PKNOX2: variants seen among roughly 807,000 people sequenced by gnomAD.
PKNOX2 encodes the protein homeobox protein PKNOX2.
PKNOX2 carries 14 observed loss-of-function variants against 53.1 expected under a neutral mutation model. The ratio of observed to expected loss-of-function variants is 0.26; its 90% CI spans 0.17 to 0.41. PKNOX2 has a LOEUF of 0.41. Ranked by LOEUF, PKNOX2 falls within the 10% of genes least tolerant of loss-of-function variation. PKNOX2 has a pLI of 1.00. For synonymous variants in PKNOX2, 257 were observed against 242.8 expected (o/e 1.06, Z -0.54); for missense variants, 496 against 602.8 (o/e 0.82, Z 1.85).
intron 3 of PKNOX2, among the ~76,000 whole-genome samples, chr11:125,342,379 C>A (rs761725518): frequency 2.6e-5 from 4 of 152,128 alleles, no homozygotes; most frequent in Non-Finnish European, 4.4e-5. Flanking sequence ...GCCCCTGCTC[C>A]GGCCACCCTA....
intron 4 of PKNOX2, among the ~76,000 whole-genome samples, chr11:125,365,630 T>G (rs1192110883): frequency 6.6e-6 from 1 of 152,208 alleles, no homozygotes; most frequent in Non-Finnish European, 1.5e-5. Flanking sequence ...AATCACTGAT[T>G]AAAGTGCTGA....
chr11:125,403,514 A>T (rs186670855), intron 7 of PKNOX2, among the ~76,000 whole-genome samples: 6 of 152,256 alleles, frequency 3.9e-5, no homozygotes, highest in African/African-American at 1.4e-4. Context: ...ACTCTTCATG[A>T]CAGGCTGCAA....
At chr11:125,202,822 A>AT (rs1028039260) in intron 1 of PKNOX2, among the ~76,000 whole-genome samples, 1 of 151,934 alleles carries the variant, frequency 6.6e-6, no homozygotes, top group African/African-American at 2.4e-5. Flanking sequence ...TTAAACAATT[A>AT]TTTTTTTCTT....
chr11:125,293,676 C>T (rs547564449), intron 2 of PKNOX2, among the ~76,000 whole-genome samples: 246 of 152,114 alleles, frequency 1.6e-3, no homozygotes, highest in Middle Eastern at 3.4e-3. Flanking sequence ...AGAATCAGGC[C>T]GCGTTGATGA....
chr11:125,293,586 T>C (rs941386987), intron 2 of PKNOX2, among the ~76,000 whole-genome samples: 7 of 152,238 alleles, frequency 4.6e-5, no homozygotes, highest in African/African-American at 1.7e-4. Context: ...CCTCTGGGCA[T>C]CTAAGTTGTT....
rs1161685651 is a variant in PKNOX2, at chr11:125,326,973, C to CT, written c.-129-4843dup. Among the ~76,000 whole-genome samples the CT allele has an allele frequency of 2.0e-5, 3 of 152,332 alleles. No homozygotes were observed. In the East Asian group the frequency reaches 5.8e-4, roughly 29 times the overall value. ...GGCGTGTCCGTGTAGGCAAACCACA[C>CT]TTTCATCACCGCACTCACGGAAGAA... On this transcript the variant is annotated intron_variant, in intron 2 of 12. Transcript: ENST00000298282.
Position 125,329,897 on chromosome 11 carries a change from G to A in PKNOX2, c.-129-1922G>A, listed in dbSNP as rs557392628. Among the ~76,000 whole-genome samples, 12 of 152,280 alleles carry A rather than the reference G, an allele frequency of 7.9e-5. No individual in the cohort carries two copies. The East Asian group carries it at 2.3e-3, about 29-fold the overall frequency. ...GACAATGAGCAGATGTGTGTTGAAG[G>A]CCTTCTCTGAGCAGGAAGTCGTTGT... On this transcript the variant is annotated intron_variant, in intron 2 of 12. Coordinates refer to ENST00000298282, the MANE Select transcript of PKNOX2 (RefSeq NM_001382323.2).
At chr11:125,253,822 G>A (rs751876845) in intron 2 of PKNOX2, among the ~76,000 whole-genome samples, 3 of 152,124 alleles carry the variant, frequency 2.0e-5, no homozygotes, top group Admixed American at 6.5e-5. Context: ...TCCCTTCATC[G>A]CAGGAGCAGC....
chr11:125,416,041 C>T (rs868275919), intron 10 of PKNOX2, among the ~76,000 whole-genome samples: 6 of 152,112 alleles, frequency 3.9e-5, no homozygotes, highest in South Asian at 2.1e-4. Context: ...CGGTGGCTCA[C>T]GCCTGTAATC....
rs952011630 is a variant in PKNOX2, at chr11:125,352,653, C to T, written c.87+1261C>T. Reference sequence around the variant, plus strand: ...CTGTGGGGCTTCTTTCTAGCGTACCCAGCATATGGAACACCTTTGCTCTGC... The same window carrying T: ...CTGTGGGGCTTCTTTCTAGCGTACCTAGCATATGGAACACCTTTGCTCTGC... On this transcript the variant is annotated intron_variant, in intron 4 of 12. Coordinates refer to ENST00000298282, the MANE Select transcript of PKNOX2 (RefSeq NM_001382323.2). The surrounding 1 kb of genome is among the most constrained non-coding windows in gnomAD (Gnocchi z 4.1). Among the ~76,000 whole-genome samples the T allele has an allele frequency of 3.3e-5, 5 of 152,178 alleles. No individual in the cohort carries two copies. The highest frequency in any genetic ancestry group is 1.2e-4 in the African/African-American group (5 of 41,430).
At chr11:125,415,301 A>G (rs11220055) in intron 10 of PKNOX2, among the ~76,000 whole-genome samples, 8,518 of 143,780 alleles carry the variant, frequency 0.059, 287 homozygotes, top group Middle Eastern at 0.088. Context: ...CTGGAATGCA[A>G]TGGCACGATC....
intron 5 of PKNOX2, among the ~76,000 whole-genome samples, chr11:125,376,531 G>A (rs1346290752): frequency 1.3e-5 from 2 of 152,172 alleles, no homozygotes. Context: ...AAAGAAGGCA[G>A]GTCCTTTCGT....
At chr11:125,375,391 G>A (rs1952776963) in intron 5 of PKNOX2, among the ~76,000 whole-genome samples, 1 of 152,118 alleles carries the variant, frequency 6.6e-6, no homozygotes, top group Non-Finnish European at 1.5e-5. Context: ...TATGACTCAA[G>A]AACAGTAGAG....
chr11:125,408,065 G>T (rs1240842675), intron 7 of PKNOX2, among the ~76,000 whole-genome samples: 1 of 152,230 alleles, frequency 6.6e-6, no homozygotes, highest in Admixed American at 6.5e-5. Context: ...TTGACCTGCA[G>T]GATTCAAGGA....
At chr11:125,300,794 A>G (rs1310599686) in intron 2 of PKNOX2, among the ~76,000 whole-genome samples, 1 of 152,154 alleles carries the variant, frequency 6.6e-6, no homozygotes, top group East Asian at 1.9e-4. Context: ...TTTCCTCTAT[A>G]GGGAAACCTG....
chr11:125,261,286 G>A (rs1944826845), intron 2 of PKNOX2, among the ~76,000 whole-genome samples: 1 of 152,176 alleles, frequency 6.6e-6, no homozygotes, highest in Non-Finnish European at 1.5e-5. Context: ...AGGAGAAACA[G>A]AGAAAGGGCT....
At chr11:125,316,017 G>C (rs868164453) in intron 2 of PKNOX2, among the ~76,000 whole-genome samples, 4 of 152,206 alleles carry the variant, frequency 2.6e-5, no homozygotes, top group Middle Eastern at 3.2e-3. Context: ...TGGAGGCAAA[G>C]ATGTCCATAC....
chr11:125,299,283 C>T (rs1406691127), intron 2 of PKNOX2, among the ~76,000 whole-genome samples: 2 of 152,166 alleles, frequency 1.3e-5, no homozygotes, highest in Admixed American at 6.5e-5. Context: ...GCCCCACCTC[C>T]GACACTGGGG....
At chr11:125,268,713 T>TTG (rs1491388363) in intron 2 of PKNOX2, among the ~76,000 whole-genome samples, 1 of 149,924 alleles carries the variant, frequency 6.7e-6, no homozygotes, top group Non-Finnish European at 1.5e-5. Flanking sequence ...CAGAAGTCTC[T>TTG]TGTTTCAAGA....
Sources: allele counts gnomAD v4.1 joint callset (sites outside exome capture counted in the v4.1 genomes callset), GRCh38; gene constraint gnomAD v4.1.1; non-coding constraint Gnocchi (gnomAD v3.1); transcripts MANE v1.5; gene names NCBI Gene and HGNC (gene_info 2026-07-23, HGNC 2026-07-21).